Variants in SLC24A2 observed in about 807,000 individuals in gnomAD.
SLC24A2 encodes sodium/potassium/calcium exchanger 2.
SLC24A2 carries 36 observed loss-of-function variants against 62.0 expected under a neutral mutation model. The ratio of observed to expected loss-of-function variants is 0.58; its 90% CI spans 0.44 to 0.77. The LOEUF (loss-of-function observed/expected upper bound fraction) is 0.77, where lower values mean the gene tolerates loss of function less well. Among genes scored for constraint, SLC24A2 ranks in the 30% least tolerant of loss-of-function variants. The pLI is 0.00. For missense variants in SLC24A2, 846 were observed against 817.9 expected, an observed-to-expected ratio of 1.03 and a Z score of -0.42; for synonymous variants, 358 against 294.0, an observed-to-expected ratio of 1.22 and a Z score of -2.23.
chr9:20,234,133 G>A, the SLC24A2 span, among the ~76,000 whole-genome samples: 5 of 152,158 alleles, frequency 3.3e-5, no homozygotes, highest in Admixed American at 6.5e-5. Context: ...CGGGTAACCC[G>A]ACCTTTCTCT....
In SLC24A2 at chr9:19,686,234, T is replaced by C. The variant is rs1819877020; in HGVS notation, c.931-63935A>G. 2.0e-5 allele frequency among the ~76,000 whole-genome samples: 3 copies of C among 152,288 alleles called. No individual in the cohort carries two copies. In the South Asian group the frequency reaches 6.2e-4, roughly 32 times the overall value. ...GGATACCATCTCAAGCCAGTCATAA[T>C]GGCTATTATAAAAAGTAAAAAATAA... On this transcript the variant is annotated intron_variant, in intron 2 of 10. Transcript: ENST00000341998.
the SLC24A2 span, among the ~76,000 whole-genome samples, chr9:20,208,627 A>AC: frequency 1.3e-5 from 2 of 152,220 alleles, no homozygotes; most frequent in Admixed American, 1.3e-4. Context: ...ATTTAAATGC[A>AC]CCCCTCAGAG....
At chr9:19,815,866 G>A in the SLC24A2 span, among the ~76,000 whole-genome samples, 2 of 150,648 alleles carry the variant, frequency 1.3e-5, no homozygotes, top group Admixed American at 6.6e-5. Context: ...TACAATAATT[G>A]TAGCCCATGT....
At chr9:20,205,879 C>G in the SLC24A2 span, among the ~76,000 whole-genome samples, 1 of 152,006 alleles carries the variant, frequency 6.6e-6, no homozygotes. Flanking sequence ...TGCTTAAAGC[C>G]TCTTCTGATG....
chr9:19,543,180 T>C (rs1341761923), intron 8 of SLC24A2, among the ~76,000 whole-genome samples: 1 of 152,064 alleles, frequency 6.6e-6, no homozygotes. Flanking sequence ...TCCAGGAATT[T>C]ATCCATTTCT....
chr9:19,837,842 C>A, the SLC24A2 span, among the ~76,000 whole-genome samples: 4 of 151,820 alleles, frequency 2.6e-5, no homozygotes, highest in Non-Finnish European at 5.9e-5. Flanking sequence ...AATAAAATAC[C>A]TAGGAATCCA....
chr9:20,000,309 A>T, the SLC24A2 span, among the ~76,000 whole-genome samples: 1 of 152,202 alleles, frequency 6.6e-6, no homozygotes, highest in African/African-American at 2.4e-5. Context: ...GAATTGGAGG[A>T]ATCTTGCCCA....
At chr9:20,077,914 T>G in the SLC24A2 span, among the ~76,000 whole-genome samples, 2 of 152,148 alleles carry the variant, frequency 1.3e-5, no homozygotes, top group Non-Finnish European at 2.9e-5. Flanking sequence ...CAGGAAAATA[T>G]ATCATAGATG....
the SLC24A2 span, among the ~76,000 whole-genome samples, chr9:20,144,343 A>ACAGATAACC: frequency 6.6e-6 from 1 of 152,306 alleles, no homozygotes; most frequent in Non-Finnish European, 1.5e-5. Flanking sequence ...TCAAAATAAG[A>ACAGATAACC]CAGATAACCC....
At chr9:20,073,514 T>C in the SLC24A2 span, among the ~76,000 whole-genome samples, 1 of 152,166 alleles carries the variant, frequency 6.6e-6, no homozygotes, top group Non-Finnish European at 1.5e-5. Context: ...GGAATTATAC[T>C]GGGTGTGTAC....
the SLC24A2 span, among the ~76,000 whole-genome samples, chr9:20,236,830 G>C: frequency 6.6e-6 from 1 of 152,126 alleles, no homozygotes; most frequent in African/African-American, 2.4e-5. Flanking sequence ...CAGGGCACTT[G>C]TACCAGACAT....
chr9:19,682,140 G>A (rs768702475), intron 2 of SLC24A2, among the ~76,000 whole-genome samples: 5 of 152,132 alleles, frequency 3.3e-5, no homozygotes, highest in African/African-American at 4.8e-5. Flanking sequence ...TCATGGATGT[G>A]CTTTATGTGA....
intron 7 of SLC24A2, among the ~76,000 whole-genome samples, chr9:19,556,370 C>G (rs576229406): frequency 5.3e-5 from 8 of 152,262 alleles, no homozygotes; most frequent in African/African-American, 1.9e-4. Flanking sequence ...TTGGAGGCAA[C>G]CCGGTTTCTT....
the SLC24A2 span, among the ~76,000 whole-genome samples, chr9:20,015,898 A>G: frequency 3.3e-5 from 5 of 152,342 alleles, no homozygotes; most frequent in East Asian, 7.7e-4. Context: ...ATCCCATTAC[A>G]TAAGACTGCA....
the SLC24A2 span, among the ~76,000 whole-genome samples, chr9:19,912,052 A>G: frequency 6.6e-6 from 1 of 152,148 alleles, no homozygotes; most frequent in African/African-American, 2.4e-5. Flanking sequence ...AAGCCACTGC[A>G]TAGCTTCACT....
the SLC24A2 span, among the ~76,000 whole-genome samples, chr9:19,983,543 T>C: frequency 4.6e-5 from 7 of 152,174 alleles, no homozygotes; most frequent in Non-Finnish European, 8.8e-5. Context: ...CTCGGGAGGC[T>C]GAGGCAGGAG....
At chr9:19,849,252 A>G in the SLC24A2 span, among the ~76,000 whole-genome samples, 1 of 152,224 alleles carries the variant, frequency 6.6e-6, no homozygotes, top group Non-Finnish European at 1.5e-5. Context: ...ATTACTCTTA[A>G]GAAAACTCTT....
At chr9:19,774,279 G>A (rs918267400) in intron 2 of SLC24A2, among the ~76,000 whole-genome samples, 4 of 152,080 alleles carry the variant, frequency 2.6e-5, no homozygotes, top group Non-Finnish European at 4.4e-5. Context: ...TCCCTATGAG[G>A]AAAATGCTAT....
At chr9:20,071,000 G>C in the SLC24A2 span, among the ~76,000 whole-genome samples, 1 of 152,186 alleles carries the variant, frequency 6.6e-6, no homozygotes, top group Admixed American at 6.5e-5. Flanking sequence ...TGCTGTTGTT[G>C]TGATAGTGAG....
Sources: allele counts gnomAD v4.1 joint callset (sites outside exome capture counted in the v4.1 genomes callset), GRCh38; gene constraint gnomAD v4.1.1; transcripts MANE v1.5; gene names NCBI Gene and HGNC (gene_info 2026-07-23, HGNC 2026-07-21).